Variants in SPTBN2 observed in about 807,000 individuals in gnomAD.
SPTBN2 encodes spectrin beta, non-erythrocytic 2, also known as spectrin beta chain, non-erythrocytic 2.
A neutral mutation model predicts 284.2 loss-of-function variants in SPTBN2; 107 were observed. The observed-to-expected ratio is 0.38, with a 90% CI of 0.32 to 0.44. The LOEUF is 0.44. SPTBN2 is among the 20% of genes least tolerant of loss of function. The pLI is 1.00. For synonymous variants in SPTBN2, 1,289 were observed against 1,354.8 expected, an observed-to-expected ratio of 0.95 and a Z score of 1.07; for missense variants, 2,569 against 3,287.1, an observed-to-expected ratio of 0.78 and a Z score of 5.34.
At position 66,699,288 on chromosome 11, in the gene SPTBN2, C is replaced by G. The variant is rs1941109456; in HGVS notation, c.3776+118G>C. 3.7e-6 allele frequency: 5 copies of G among 1,367,632 alleles called. 1 individual carries two copies. In the African/African-American group the frequency reaches 7.2e-5, roughly 20 times the overall value. 84.7% of individuals were successfully genotyped at this position (1,367,632 alleles called of 1,614,324 possible). A position where few individuals can be genotyped will look rare whatever the true frequency, so the allele number is the denominator to read the frequency against. ...CCAACCACTTAGTTCTTCCCCTCTA[C>G]TTCTCTGTCAGCTCCTGCCCCATCT... On this transcript the variant is annotated intron_variant, in intron 18 of 37. Transcript: ENST00000533211.
intron 1 of SPTBN2, among the ~76,000 whole-genome samples, chr11:66,737,813 G>C (rs1305491557): frequency 6.6e-6 from 1 of 152,204 alleles, no homozygotes; most frequent in Non-Finnish European, 1.5e-5. Context: ...GTTGAGGAAG[G>C]AGGTAGAGAG....
In SPTBN2 at chr11:66,691,225, C is replaced by T. The variant is rs12804382; in HGVS notation, c.5565+59G>A. 0.51 allele frequency: 761,613 copies of T among 1,497,966 alleles called. 199,206 individuals carry two copies. The highest frequency in any genetic ancestry group is 0.65 in the Admixed American group (28,103 of 43,362). 92.8% of individuals were successfully genotyped at this position (1,497,966 alleles called of 1,614,324 possible). ...TACCCTAGCTCCTGGGAACTCTCCC[C>T]GGCATTTCCCCCATGGCCTCCTCTA... On this transcript the variant is annotated intron_variant, in intron 27 of 37. Coordinates refer to ENST00000533211, the MANE Select transcript of SPTBN2 (RefSeq NM_006946.4). This position sits in a 1 kb window ranked among gnomAD's most constrained non-coding sequence, Gnocchi z 8.0.
At chr11:66,698,103 AC>A (rs1402705405) in intron 20 of SPTBN2, among the ~76,000 whole-genome samples, 1 of 152,160 alleles carries the variant, frequency 6.6e-6, no homozygotes, top group African/African-American at 2.4e-5. Context: ...AGAACCAGGG[AC>A]GGCAAGACTC....
intron 15 of SPTBN2, among the ~76,000 whole-genome samples, chr11:66,703,997 C>G (rs1941389755): frequency 8.4e-6 from 1 of 119,314 alleles, no homozygotes; most frequent in Admixed American, 1.0e-4. Context: ...TTTTTTGAGA[C>G]AGTCTCGCTC....
At chr11:66,688,378 GC>G in intron 31 of SPTBN2, 67 bp from the exon 32 acceptor site, 1 of 1,546,254 alleles carries the variant, frequency 6.5e-7, no homozygotes, top group Non-Finnish European at 8.7e-7. Context: ...AACAGGGAGA[GC>G]TGAAATGTCT....
At chr11:66,737,164 C>T (rs1342161421) in intron 1 of SPTBN2, among the ~76,000 whole-genome samples, 1 of 152,094 alleles carries the variant, frequency 6.6e-6, no homozygotes, top group Non-Finnish European at 1.5e-5. Context: ...CAAACCTTGC[C>T]TTAGGTAAAG....
In SPTBN2 at chr11:66,714,302, C is replaced by T. The variant is rs369551248; in HGVS notation, c.575+14G>A. 1.1e-5 allele frequency: 18 copies of T among 1,613,634 alleles called. No homozygotes were observed. Among genetic ancestry groups the T allele is most frequent in the African/African-American group, 6.7e-5 (5 of 75,046 alleles). The stretch of plus-strand genomic sequence containing the variant: ...CACTGACCCTCCAGTGCCACACGCC[C>T]AGGGTGTCCTCACCCTGCAGTCTTC... On this transcript the variant is annotated intron_variant, in intron 6 of 37. Coordinates refer to ENST00000533211, the MANE Select transcript of SPTBN2 (RefSeq NM_006946.4).
rs1447832723 is a variant in SPTBN2, at chr11:66,691,113, G to A, written c.5565+171C>T. 7.9e-5 allele frequency among the ~76,000 whole-genome samples: 12 copies of A among 152,198 alleles called. No individual in the cohort carries two copies. The highest frequency in any genetic ancestry group is 2.4e-4 in the African/African-American group (10 of 41,454). On this transcript the variant is annotated intron_variant, in intron 27 of 37. Transcript: ENST00000533211. The surrounding 1 kb of genome is among the most constrained non-coding windows in gnomAD (Gnocchi z 8.0). The stretch of plus-strand genomic sequence containing the variant: ...ATTACAGGCGAGAGCCACCGCGCCT[G>A]GCCAAACAGAGATGTTTTCTTGGAG...
rs1364496263 is a variant in SPTBN2, at chr11:66,705,198, C to T, written c.2078G>A (p.Arg693Gln). ...CAGGGTGAGCTTCAGGGGCCCCAGC[C>T]GGCCGCTCATCTCGCCCCGCAGGGC... The part of the protein sequence containing the change: ...HTALRGEMSG[R>Q]LGPLKLTLEQ... The change falls in exon 15 of 38, where the codon CGG (arginine) becomes CAG (glutamine). Residue 693 changes from arginine (R) to glutamine (Q), a missense_variant. Transcript: ENST00000533211. The T allele has an allele frequency of 7.2e-6, 11 of 1,536,542 alleles. No homozygotes were observed. Among genetic ancestry groups the T allele is most frequent in the African/African-American group, 1.4e-5 (1 of 72,978 alleles).
chr11:66,716,390 G>C (rs556877802), intron 3 of SPTBN2, among the ~76,000 whole-genome samples: 1 of 151,934 alleles, frequency 6.6e-6, no homozygotes, highest in African/African-American at 2.4e-5. Context: ...GGCTGAGGCA[G>C]ACTGACGTGA....
Position 66,715,815 on chromosome 11 carries a change from A to T in SPTBN2, c.309+15T>A. ...TTCTAAGGCCCCCCCACTTCCCTTC[A>T]TGACCACAGCTCACCAGTATCTCTC... On this transcript the variant is annotated intron_variant, in intron 4 of 37. Transcript: ENST00000533211. The surrounding 1 kb of genome is among the most constrained non-coding windows in gnomAD (Gnocchi z 5.3). 1 of 1,613,260 alleles carries T rather than the reference A, an allele frequency of 6.2e-7. No individual in the cohort carries two copies. The highest frequency in any genetic ancestry group is 8.5e-7 in the Non-Finnish European group (1 of 1,179,858).
chr11:66,723,362 T>C (rs550370661), intron 1 of SPTBN2, among the ~76,000 whole-genome samples: 1 of 152,154 alleles, frequency 6.6e-6, no homozygotes, highest in Admixed American at 6.5e-5. Context: ...GTAGTCTCGG[T>C]AGTCTCGGGT....
chr11:66,743,244 G>A (rs941284006), intron 1 of SPTBN2, among the ~76,000 whole-genome samples: 1 of 151,784 alleles, frequency 6.6e-6, no homozygotes, highest in Non-Finnish European at 1.5e-5. Flanking sequence ...AAGCTACCTT[G>A]CTCCAATAGG....
At position 66,686,178 on chromosome 11, in the gene SPTBN2, G is replaced by GT. The variant is rs1427825150; in HGVS notation, c.6940-75dup. The stretch of plus-strand genomic sequence containing the variant: ...TGGCCGCAGTGGACAGCAGGGAAGT[G>GT]TAAGAGGAGGAGGCAGAAAGTGAGC... On this transcript the variant is annotated intron_variant, in intron 37 of 37. Transcript: ENST00000533211. 3 of 1,488,022 alleles carry GT rather than the reference G, an allele frequency of 2.0e-6. No individual in the cohort carries two copies. In the East Asian group the frequency reaches 6.9e-5, roughly 34 times the overall value. 92.2% of individuals were successfully genotyped at this position (1,488,022 alleles called of 1,614,324 possible).
intron 13 of SPTBN2, among the ~76,000 whole-genome samples, chr11:66,706,732 C>T (rs746195228): frequency 1.3e-5 from 2 of 151,432 alleles, no homozygotes; most frequent in African/African-American, 4.9e-5. Flanking sequence ...TGGGTTCAAG[C>T]GATTCTGCTG....
rs568117048 is a variant in SPTBN2, at chr11:66,688,978, G to A, written c.6034+118C>T. The stretch of plus-strand genomic sequence containing the variant: ...GCCCCAGAGCTGTGCCAGGCAGCAC[G>A]AAGATTGGGCATCGTGAGTTTCACA... On this transcript the variant is annotated intron_variant, in intron 30 of 37. Transcript: ENST00000533211. 1.8e-5 allele frequency: 26 copies of A among 1,466,290 alleles called. 1 individual carries two copies. The highest frequency in any genetic ancestry group is 7.6e-5 in the Admixed American group (4 of 52,366). The allele number at this position is 1,466,290 out of a possible 1,614,324, so 90.8% of individuals were successfully genotyped here.
At chr11:66,711,868 C>T (rs1204049844) in intron 8 of SPTBN2, among the ~76,000 whole-genome samples, 1 of 152,192 alleles carries the variant, frequency 6.6e-6, no homozygotes, top group Non-Finnish European at 1.5e-5. Context: ...GTTGCTAGCT[C>T]GCTGACACTT....
At chr11:66,741,498 A>T (rs1473302555) in intron 1 of SPTBN2, among the ~76,000 whole-genome samples, 1 of 152,242 alleles carries the variant, frequency 6.6e-6, no homozygotes, top group Non-Finnish European at 1.5e-5. Context: ...AACATGAAAC[A>T]GTAATATAAA....
In SPTBN2 at chr11:66,699,928, C is replaced by T. The variant is rs554273717; in HGVS notation, c.3574-320G>A. On this transcript the variant is annotated intron_variant, in intron 17 of 37. Transcript: ENST00000533211. ...AGTCAGTTTTAGTAAATTATATTCA[C>T]GTCTTTTTCATTCTCATTTTTCCTT... Among the ~76,000 whole-genome samples the T allele has an allele frequency of 2.6e-5, 4 of 152,194 alleles. No individual in the cohort carries two copies. In the South Asian group the frequency reaches 6.2e-4, roughly 24 times the overall value.
Sources: allele counts gnomAD v4.1 joint callset (sites outside exome capture counted in the v4.1 genomes callset), GRCh38; gene constraint gnomAD v4.1.1; non-coding constraint Gnocchi (gnomAD v3.1); transcripts MANE v1.5; gene names NCBI Gene and HGNC (gene_info 2026-07-23, HGNC 2026-07-21).